Variants in SLC1A7 observed in about 807,000 individuals in gnomAD.
The protein encoded by SLC1A7 is excitatory amino acid transporter 5.
SLC1A7 carries 40 observed loss-of-function variants against 47.7 expected under a neutral mutation model. The observed-to-expected ratio is 0.84, with a 90% CI of 0.65 to 1.09. SLC1A7 has a LOEUF of 1.09. Ranked by LOEUF, SLC1A7 falls within the 50% of genes least tolerant of loss-of-function variation. The pLI is 0.00. For synonymous variants in SLC1A7, 323 were observed against 325.6 expected, an observed-to-expected ratio of 0.99 and a Z score of 0.09; for missense variants, 746 against 769.5, an observed-to-expected ratio of 0.97 and a Z score of 0.36.
intron 2 of SLC1A7, among the ~76,000 whole-genome samples, chr1:53,117,634 A>T (rs377709051): frequency 5.9e-5 from 9 of 152,166 alleles, no homozygotes; most frequent in Admixed American, 2.0e-4. Context: ...GGGATGGTGG[A>T]CTCCCTCCAG....
chr1:53,108,397 T>C, intron 3 of SLC1A7: 1 of 599,838 alleles, frequency 1.7e-6, no homozygotes, highest in South Asian at 2.1e-5. Context: ...AATGTGGGCC[T>C]TGGCAGGGAC....
At position 53,142,248 on chromosome 1, in the gene SLC1A7, A is replaced by T. The variant is rs1001518343; in HGVS notation, c.135+67T>A. ...CAGGGAGCTGTGATGCTAGAACGGG[A>T]CCCCAGATCCCTCAGGCCCACACGC... On this transcript the variant is annotated intron_variant, in intron 1 of 10. Transcript: ENST00000371494. 10 of 1,501,798 alleles carry T rather than the reference A, an allele frequency of 6.7e-6. No homozygotes were observed. The Middle Eastern group carries it at 1.4e-3, about 209-fold the overall frequency. 93.0% of individuals were successfully genotyped at this position (1,501,798 alleles called of 1,614,324 possible). A position where few individuals can be genotyped will look rare whatever the true frequency, so the allele number is the denominator to read the frequency against.
At chr1:53,098,891 C>T (rs1183347931) in intron 5 of SLC1A7, among the ~76,000 whole-genome samples, 1 of 150,132 alleles carries the variant, frequency 6.7e-6, no homozygotes, top group Non-Finnish European at 1.5e-5. Context: ...CCTCGGTACA[C>T]CCACACCACC....
intron 2 of SLC1A7, among the ~76,000 whole-genome samples, chr1:53,122,947 G>A (rs1472551848): frequency 6.6e-6 from 1 of 152,082 alleles, no homozygotes; most frequent in Admixed American, 6.5e-5. Context: ...GGGGCTCAGA[G>A]TGTGGGCGGT....
chr1:53,135,611 A>C (rs533755409), intron 1 of SLC1A7, among the ~76,000 whole-genome samples: 1 of 152,290 alleles, frequency 6.6e-6, no homozygotes, highest in East Asian at 1.9e-4. Context: ...CCAGGACCTG[A>C]CAACTGAAGC....
chr1:53,111,741 G>A (rs898170234), intron 3 of SLC1A7, among the ~76,000 whole-genome samples: 5 of 152,170 alleles, frequency 3.3e-5, no homozygotes, highest in African/African-American at 1.2e-4. Context: ...GTGAGAATCT[G>A]GAACTCAGGT....
At chr1:53,094,024 A>G (rs1288409) in intron 5 of SLC1A7, among the ~76,000 whole-genome samples, 146,169 of 152,284 alleles carry the variant, frequency 0.96, 70,434 homozygotes, top group East Asian at 1. Flanking sequence ...AGCCGTTTAC[A>G]CAGTGCCCCA....
At chr1:53,112,565 A>G (rs1332045538) in intron 3 of SLC1A7, among the ~76,000 whole-genome samples, 1 of 152,230 alleles carries the variant, frequency 6.6e-6, no homozygotes, top group African/African-American at 2.4e-5. Flanking sequence ...CGGGGGAGGA[A>G]AGGAATGCTT....
intron 5 of SLC1A7, among the ~76,000 whole-genome samples, chr1:53,101,831 A>ACG (rs1411120958): frequency 7.2e-6 from 1 of 139,576 alleles, no homozygotes; most frequent in Non-Finnish European, 1.5e-5. Context: ...GTACACTCAC[A>ACG]CGCACACTCA....
At position 53,088,016 on chromosome 1, in the gene SLC1A7, T is replaced by C. The variant is rs368205330; in HGVS notation, c.1676A>G (p.Asn559Ser). The C allele has an allele frequency of 1.8e-5, 27 of 1,504,566 alleles. No individual in the cohort carries two copies. Among genetic ancestry groups the C allele is most frequent in the East Asian group, 4.8e-5 (2 of 41,444 alleles). The allele number at this position is 1,504,566 out of a possible 1,614,324, so 93.2% of individuals were successfully genotyped here. Residue 559 changes from asparagine to serine, a missense_variant, in exon 11 of 11, where the codon AAT becomes AGT. By Grantham distance (46) the Asn-to-Ser change is conservative (BLOSUM62 1). Transcript: ENST00000371494. Reference sequence around the variant, plus strand: ...CCCTGCAGCTCCGCAGGCTCAGACATTGGTCTCCAGCTCACTGATCTGGAT... The same window carrying C: ...CCCTGCAGCTCCGCAGGCTCAGACACTGGTCTCCAGCTCACTGATCTGGAT... ...CTIQISELET[N>S]V is the part of the protein sequence containing the mutation.
chr1:53,117,165 C>T (rs575648741), intron 2 of SLC1A7, among the ~76,000 whole-genome samples: 6 of 152,230 alleles, frequency 3.9e-5, no homozygotes, highest in South Asian at 2.1e-4. Context: ...GGCAGACATG[C>T]GCAGCAGTGA....
At chr1:53,133,091 G>A (rs1644957558) in intron 2 of SLC1A7, among the ~76,000 whole-genome samples, 1 of 152,172 alleles carries the variant, frequency 6.6e-6, no homozygotes, top group Non-Finnish European at 1.5e-5. Flanking sequence ...CAAAAAGTTA[G>A]AAGAGTGTGA....
At chr1:53,093,587 GTAAA>G in intron 5 of SLC1A7, 27 bp from the exon 6 acceptor site, 1 of 1,557,346 alleles carries the variant, frequency 6.4e-7, no homozygotes, top group Non-Finnish European at 8.7e-7. Context: ...CAGTGCTGTG[GTAAA>G]GCAGGGACAG....
intron 5 of SLC1A7, among the ~76,000 whole-genome samples, chr1:53,099,482 T>G (rs1644545636): frequency 6.8e-6 from 1 of 147,842 alleles, no homozygotes; most frequent in Non-Finnish European, 1.5e-5. Flanking sequence ...CTCGCCTCAG[T>G]ACACTCAACC....
intron 2 of SLC1A7, among the ~76,000 whole-genome samples, chr1:53,132,238 A>G (rs899693637): frequency 2.6e-5 from 4 of 152,166 alleles, no homozygotes; most frequent in African/African-American, 4.8e-5. Context: ...TGCTTTTCTC[A>G]AGATCCTTCT....
chr1:53,090,612 C>A lies in SLC1A7; in HGVS notation c.1226G>T (p.Ser409Ile). ...ELDFGQIITI[S>I]ITATAASIGA... Reference sequence around the variant, plus strand: ...ACCCAGGTGCAGTGTCAGGGTGCACCTGATGGTGATGATCTGGCCAAAGTC... The same window carrying A: ...ACCCAGGTGCAGTGTCAGGGTGCACATGATGGTGATGATCTGGCCAAAGTC... The change falls in exon 8 of 11, where the codon AGT becomes ATT. Residue 409 changes from serine (S) to isoleucine (I), a missense_variant and splice_region_variant. Coordinates refer to ENST00000371494, the MANE Select transcript of SLC1A7 (RefSeq NM_006671.6). The A allele has an allele frequency of 6.3e-7, 1 of 1,581,444 alleles. No homozygotes were observed. The highest frequency in any genetic ancestry group is 8.6e-7 in the Non-Finnish European group (1 of 1,159,776).
intron 3 of SLC1A7, among the ~76,000 whole-genome samples, chr1:53,107,586 AC>A (rs1383381832): frequency 8.3e-6 from 1 of 120,848 alleles, no homozygotes; most frequent in African/African-American, 3.1e-5. Context: ...AGAAGCTAAG[AC>A]AGATTGCAAT....
In SLC1A7 at chr1:53,093,490, C is replaced by T. The variant is rs1419177574; in HGVS notation, c.768G>A (p.Ser256=). The part of the protein sequence containing the change: ...LVSFCQCLNE[S]VMKIVAVAVW... ...CAGCCACCGCCACGATCTTCATGAC[C>T]GACTCATTGAGGCACTGGCAGAAGC... Residue 256 remains serine (S), a synonymous_variant, in exon 6 of 11, where the codon TCG becomes TCA. Transcript: ENST00000371494. The T allele has an allele frequency of 4.3e-6, 7 of 1,611,102 alleles. No individual in the cohort carries two copies. The highest frequency in any genetic ancestry group is 1.3e-5 in the African/African-American group (1 of 74,912).
Position 53,142,536 on chromosome 1 carries a change from T to G in SLC1A7, c.-87A>C. Reference sequence around the variant, plus strand: ...GGCACAGGGTCTGGGCTGAGGGCTCTAGCCCCTCAGCAGGCAGGTGGTCGG... The same window carrying G: ...GGCACAGGGTCTGGGCTGAGGGCTCGAGCCCCTCAGCAGGCAGGTGGTCGG... On this transcript the variant is annotated 5_prime_UTR_variant, in exon 1 of 11. Transcript: ENST00000371494. 2 of 1,438,336 alleles carry G rather than the reference T, an allele frequency of 1.4e-6. No homozygotes were observed. Among genetic ancestry groups the G allele is most frequent in the Non-Finnish European group, 1.9e-6 (2 of 1,071,740 alleles). The allele number at this position is 1,438,336 out of a possible 1,614,324, so 89.1% of individuals were successfully genotyped here. A position where few individuals can be genotyped will look rare whatever the true frequency, so the allele number is the denominator to read the frequency against.
Sources: allele counts gnomAD v4.1 joint callset (sites outside exome capture counted in the v4.1 genomes callset), GRCh38; gene constraint gnomAD v4.1.1; transcripts MANE v1.5; gene names NCBI Gene and HGNC (gene_info 2026-07-23, HGNC 2026-07-21).